The following CCSER1 variants were observed in gnomAD, a reference collection of about 807,000 sequenced individuals.
CCSER1 encodes the protein serine-rich coiled-coil domain-containing protein 1.
A neutral mutation model predicts 82.0 loss-of-function variants in CCSER1; 41 were observed. That is an observed-to-expected ratio of 0.50 (90% confidence interval 0.39 to 0.65). CCSER1 has a LOEUF of 0.65. Among genes scored for constraint, CCSER1 ranks in the 30% least tolerant of loss-of-function variants. The pLI is 0.00. For synonymous variants in CCSER1, 414 were observed against 383.9 expected (o/e 1.08, Z -0.92); for missense variants, 1,119 against 1,064.2 (o/e 1.05, Z -0.72).
At position 91,598,626 on chromosome 4, in the gene CCSER1, G is replaced by T. The variant is rs1764694476; in HGVS notation, c.2272G>T (p.Ala758Ser). ...AAATCTCAGCACAAGGGACAGAAAA[G>T]CAATACATACTCCCACCGAGGACCG... ...SQNLSTRDRK[A>S]IHTPTEDRFR... Residue 758 changes from alanine (A) to serine (S), a missense_variant, in exon 11 of 11, where the codon GCA becomes TCA. Transcript: ENST00000509176. 6.4e-7 allele frequency: 1 copy of T among 1,551,152 alleles called. No homozygotes were observed. Among genetic ancestry groups the T allele is most frequent in the African/African-American group, 1.4e-5 (1 of 72,922 alleles).
chr4:90,245,028 G>A (rs1037357142), intron 1 of CCSER1, among the ~76,000 whole-genome samples: 9 of 152,096 alleles, frequency 5.9e-5, no homozygotes, highest in Non-Finnish European at 1.3e-4. Context: ...ATCTCTTCAT[G>A]TAAGGTTTTT....
chr4:90,423,387 G>A (rs750148107), intron 4 of CCSER1, among the ~76,000 whole-genome samples: 39 of 151,868 alleles, frequency 2.6e-4, no homozygotes, highest in Admixed American at 5.2e-4. Context: ...CACCATGCCC[G>A]AATAATTTTT....
At chr4:90,876,521 A>C (rs1767225683) in intron 8 of CCSER1, among the ~76,000 whole-genome samples, 1 of 152,136 alleles carries the variant, frequency 6.6e-6, no homozygotes, top group African/African-American at 2.4e-5. Flanking sequence ...TAAAGACATA[A>C]AATTTCAAAA....
At chr4:90,226,297 T>C (rs548073326) in intron 1 of CCSER1, among the ~76,000 whole-genome samples, 18 of 152,340 alleles carry the variant, frequency 1.2e-4, no homozygotes, top group Non-Finnish European at 2.4e-4. Flanking sequence ...GGGAGTGTTT[T>C]GTTTTGTAGA....
intron 6 of CCSER1, among the ~76,000 whole-genome samples, chr4:90,687,811 C>A (rs1735094264): frequency 6.6e-6 from 1 of 152,110 alleles, no homozygotes. Context: ...AGAACATATA[C>A]TTCATAATTG....
intron 10 of CCSER1, among the ~76,000 whole-genome samples, chr4:91,196,179 A>G (rs1487300784): frequency 1.9e-5 from 2 of 103,972 alleles, no homozygotes; most frequent in African/African-American, 1.4e-4. Flanking sequence ...ACAGCGAGAC[A>G]AAAAAAAAAA....
Position 90,710,340 on chromosome 4 carries a change from C to A in CCSER1, c.1933-13574C>A, listed in dbSNP as rs1429284523. 2.6e-5 allele frequency among the ~76,000 whole-genome samples: 4 copies of A among 152,092 alleles called. No homozygotes were observed. The East Asian group carries it at 7.7e-4, about 29-fold the overall frequency. ...CAGCAGTTCTTTAGTTTAATTACAT[C>A]TCATTGGTCAATTTTTGCTTTTGCT... On this transcript the variant is annotated intron_variant, in intron 6 of 10. Coordinates refer to ENST00000509176, the MANE Select transcript of CCSER1 (RefSeq NM_001145065.2).
rs1350628073 is a variant in CCSER1 at position 91,011,671 on chromosome 4, T to A, written c.2173-74279T>A. Among the ~76,000 whole-genome samples, 31 of 133,936 alleles carry A rather than the reference T, an allele frequency of 2.3e-4. 8 individuals carry two copies. The highest frequency in any genetic ancestry group is 2.3e-3 in the Admixed American group (31 of 13,546). The allele number at this position is 133,936 out of a possible 152,430, so 87.9% of individuals were successfully genotyped here. ...CTCAGTTCTGGGGAGGAAAGGGAGA[T>A]TTGGGCCCAAGGAGCAAGGTGTAGC... On this transcript the variant is annotated intron_variant, in intron 9 of 10. Coordinates refer to ENST00000509176, the MANE Select transcript of CCSER1 (RefSeq NM_001145065.2).
At chr4:91,032,637 A>G (rs565507790) in intron 9 of CCSER1, among the ~76,000 whole-genome samples, 1 of 152,304 alleles carries the variant, frequency 6.6e-6, no homozygotes, top group South Asian at 2.1e-4. Context: ...TAAAGTAATA[A>G]CTGGATTTGA....
At chr4:91,568,726 C>A (rs1257103443) in intron 10 of CCSER1, among the ~76,000 whole-genome samples, 2 of 152,272 alleles carry the variant, frequency 1.3e-5, no homozygotes, top group African/African-American at 4.8e-5. Context: ...CTGGCTATTT[C>A]ATCATTCAGC....
At chr4:91,356,922 G>A (rs1331348781) in intron 10 of CCSER1, among the ~76,000 whole-genome samples, 2 of 152,138 alleles carry the variant, frequency 1.3e-5, no homozygotes, top group African/African-American at 4.8e-5. Context: ...TACAGCCCAC[G>A]CCTGGTCGAC....
At chr4:91,458,713 T>A (rs112631317) in intron 10 of CCSER1, among the ~76,000 whole-genome samples, 4 of 152,316 alleles carry the variant, frequency 2.6e-5, no homozygotes, top group African/African-American at 9.6e-5. Flanking sequence ...TTTAATTGTA[T>A]AGATCTTGCA....
At chr4:90,377,016 C>G (rs1010823030) in intron 3 of CCSER1, among the ~76,000 whole-genome samples, 1 of 152,158 alleles carries the variant, frequency 6.6e-6, no homozygotes, top group Non-Finnish European at 1.5e-5. Context: ...AGAGCATGTG[C>G]AAGTATCATC....
At chr4:91,097,604 T>C (rs112937036) in intron 10 of CCSER1, among the ~76,000 whole-genome samples, 1 of 152,236 alleles carries the variant, frequency 6.6e-6, no homozygotes, top group Admixed American at 6.5e-5. Context: ...ATTAACACTT[T>C]AGATAATTTC....
At chr4:90,308,007 A>G (rs1438386062) in intron 1 of CCSER1, among the ~76,000 whole-genome samples, 1 of 152,168 alleles carries the variant, frequency 6.6e-6, no homozygotes, top group East Asian at 1.9e-4. Context: ...TAAACTTTAA[A>G]TATTTCTGTT....
intron 10 of CCSER1, among the ~76,000 whole-genome samples, chr4:91,574,174 T>C (rs758526601): frequency 5.3e-5 from 8 of 151,674 alleles, no homozygotes; most frequent in Non-Finnish European, 1.0e-4. Flanking sequence ...CAAGGAAACA[T>C]ATAAGGTACT....
intron 9 of CCSER1, among the ~76,000 whole-genome samples, chr4:90,986,797 C>T (rs1274265030): frequency 1.3e-5 from 2 of 151,818 alleles, no homozygotes; most frequent in Admixed American, 6.6e-5. Context: ...ATTATATTTA[C>T]AATTTCGATA....
intron 5 of CCSER1, among the ~76,000 whole-genome samples, chr4:90,597,597 A>G (rs1303389632): frequency 6.6e-6 from 1 of 152,068 alleles, no homozygotes; most frequent in Non-Finnish European, 1.5e-5. Flanking sequence ...ATACATATAG[A>G]TAGTAAAATG....
intron 10 of CCSER1, among the ~76,000 whole-genome samples, chr4:91,376,902 C>CCCCGCCTT (rs1553930093): frequency 2.8e-5 from 4 of 142,784 alleles, no homozygotes; most frequent in Non-Finnish European, 3.0e-5. Context: ...TACTATCCCT[C>CCCCGCCTT]CCCCCACCCA....
Sources: allele counts gnomAD v4.1 joint callset (sites outside exome capture counted in the v4.1 genomes callset), GRCh38; gene constraint gnomAD v4.1.1; transcripts MANE v1.5; gene names NCBI Gene and HGNC (gene_info 2026-07-23, HGNC 2026-07-21).